The following FSTL4 variants were observed in gnomAD, a reference collection of about 807,000 sequenced individuals.
The protein encoded by FSTL4 is follistatin-related protein 4.
FSTL4 carries 28 observed loss-of-function variants against 78.2 expected under a neutral mutation model. The observed-to-expected ratio is 0.36, with a 90% CI of 0.27 to 0.49. FSTL4 has a LOEUF of 0.49. Among genes scored for constraint, FSTL4 ranks in the 20% least tolerant of loss-of-function variants. The pLI is 0.98. For synonymous variants in FSTL4, 422 were observed against 440.5 expected (o/e 0.96, Z 0.53); for missense variants, 922 against 1,084.9 (o/e 0.85, Z 2.11).
chr5:133,299,801 G>C (rs1581602498), intron 6 of FSTL4, among the ~76,000 whole-genome samples: 3 of 152,188 alleles, frequency 2.0e-5, no homozygotes, highest in East Asian at 3.9e-4. Context: ...TCTGTGATTG[G>C]GGGGCTGGGG....
chr5:133,494,428 T>A (rs1055940561), intron 3 of FSTL4, among the ~76,000 whole-genome samples: 1 of 151,932 alleles, frequency 6.6e-6, no homozygotes, highest in East Asian at 1.9e-4. Flanking sequence ...AAGTCTAGCA[T>A]CACACAGGAG....
At chr5:133,456,922 C>G (rs1370128583) in intron 3 of FSTL4, among the ~76,000 whole-genome samples, 1 of 152,084 alleles carries the variant, frequency 6.6e-6, no homozygotes, top group African/African-American at 2.4e-5. Flanking sequence ...TCCATTTGTG[C>G]CCTGCTGACT....
At chr5:133,356,254 G>A (rs1294984652) in intron 4 of FSTL4, among the ~76,000 whole-genome samples, 1 of 152,212 alleles carries the variant, frequency 6.6e-6, no homozygotes, top group Non-Finnish European at 1.5e-5. Context: ...GGACACCACT[G>A]TCATCACCAA....
intron 3 of FSTL4, among the ~76,000 whole-genome samples, chr5:133,469,842 G>A (rs1472403919): frequency 1.3e-5 from 2 of 152,074 alleles, no homozygotes; most frequent in Admixed American, 6.6e-5. Context: ...GGCAGCCGCC[G>A]TACAGGGAGC....
intron 4 of FSTL4, among the ~76,000 whole-genome samples, chr5:133,319,377 G>A (rs1413837590): frequency 1.3e-5 from 2 of 152,220 alleles, no homozygotes; most frequent in African/African-American, 2.4e-5. Flanking sequence ...CTGTGTGCCC[G>A]ATGCTGGGCA....
intron 2 of FSTL4, 43 bp downstream of exon 2, chr5:133,603,815 G>A (rs1276001612): frequency 1.1e-5 from 18 of 1,594,794 alleles, no homozygotes; most frequent in Non-Finnish European, 1.5e-5. Context: ...ACATCGGAAA[G>A]CAATCAGTTT....
intron 7 of FSTL4, among the ~76,000 whole-genome samples, chr5:133,235,346 A>C (rs1367301333): frequency 2.6e-5 from 4 of 151,980 alleles, no homozygotes; most frequent in Non-Finnish European, 5.9e-5. Flanking sequence ...AACAAACAAA[A>C]AAATTAGCTG....
At chr5:133,689,433 C>T in the FSTL4 span, among the ~76,000 whole-genome samples, 35 of 152,304 alleles carry the variant, frequency 2.3e-4, no homozygotes, top group African/African-American at 7.5e-4. Context: ...ATTCAGTAAG[C>T]CTTTTAAATA....
At chr5:133,548,097 G>A (rs1441449383) in intron 3 of FSTL4, among the ~76,000 whole-genome samples, 1 of 152,104 alleles carries the variant, frequency 6.6e-6, no homozygotes, top group Non-Finnish European at 1.5e-5. Context: ...CCCAGACCTT[G>A]CTCTATGTAT....
intron 3 of FSTL4, among the ~76,000 whole-genome samples, chr5:133,441,722 C>T (rs1156804181): frequency 1.3e-5 from 2 of 152,190 alleles, no homozygotes; most frequent in South Asian, 2.1e-4. Flanking sequence ...AGCAATGTTG[C>T]CACCAGAGCC....
At chr5:133,442,014 T>C (rs1352851960) in intron 3 of FSTL4, among the ~76,000 whole-genome samples, 1 of 152,184 alleles carries the variant, frequency 6.6e-6, no homozygotes, top group East Asian at 1.9e-4. Flanking sequence ...ACAGCCCCTG[T>C]CACATGGCGA....
At chr5:133,569,690 T>C (rs1448962474) in intron 2 of FSTL4, among the ~76,000 whole-genome samples, 1 of 152,190 alleles carries the variant, frequency 6.6e-6, no homozygotes, top group Non-Finnish European at 1.5e-5. Flanking sequence ...TCATATGATT[T>C]TTCTCCTTAG....
chr5:133,538,881 C>CG (rs1015883041), intron 3 of FSTL4, among the ~76,000 whole-genome samples: 4 of 152,076 alleles, frequency 2.6e-5, no homozygotes, highest in Non-Finnish European at 4.4e-5. Flanking sequence ...GCTGGGAGAG[C>CG]GGGGGGCTAG....
intron 3 of FSTL4, among the ~76,000 whole-genome samples, chr5:133,420,079 G>C (rs1268201759): frequency 6.6e-6 from 1 of 152,130 alleles, no homozygotes; most frequent in Non-Finnish European, 1.5e-5. Flanking sequence ...GCAATAACAG[G>C]AACGAGCAAT....
Position 133,225,028 on chromosome 5 carries a change from G to T in FSTL4, c.1312+122C>A. The T allele has an allele frequency of 2.6e-6, 3 of 1,142,870 alleles. No homozygotes were observed. The highest frequency in any genetic ancestry group is 3.9e-6 in the Non-Finnish European group (3 of 778,298). The allele number at this position is 1,142,870 out of a possible 1,614,324, so 70.8% of individuals were successfully genotyped here. The stretch of plus-strand genomic sequence containing the variant: ...AGCTTTATGCAAAGAGGGATATGAG[G>T]CTTACCCCTGTCTTCACGGGCTCAT... On this transcript the variant is annotated intron_variant, in intron 10 of 15. Coordinates refer to ENST00000265342, the MANE Select transcript of FSTL4 (RefSeq NM_015082.2). This position sits in a 1 kb window ranked among gnomAD's most constrained non-coding sequence, Gnocchi z 4.6.
chr5:133,405,644 G>T (rs764324765), intron 3 of FSTL4, among the ~76,000 whole-genome samples: 1 of 152,170 alleles, frequency 6.6e-6, no homozygotes, highest in Non-Finnish European at 1.5e-5. Context: ...TGGACATAAC[G>T]GTCCCAGTAT....
intron 3 of FSTL4, among the ~76,000 whole-genome samples, chr5:133,467,428 C>T (rs1294983505): frequency 6.6e-6 from 1 of 152,066 alleles, no homozygotes. Context: ...TTGTCTGATA[C>T]GTTGTCTCCT....
chr5:133,369,080 G>C (rs1205244270), intron 4 of FSTL4, among the ~76,000 whole-genome samples: 1 of 152,144 alleles, frequency 6.6e-6, no homozygotes, highest in African/African-American at 2.4e-5. Context: ...GGACTTCCAA[G>C]GCTGGCTTGG....
At chr5:133,832,111 C>T in the FSTL4 span, among the ~76,000 whole-genome samples, 1 of 152,192 alleles carries the variant, frequency 6.6e-6, no homozygotes, top group African/African-American at 2.4e-5. Flanking sequence ...TGGGGCTTGT[C>T]TGAAGCTGGT....
Sources: gnomAD v4.1 joint callset for allele counts (sites outside exome capture counted in the v4.1 genomes callset) on GRCh38, gnomAD v4.1.1 for gene constraint, Gnocchi (gnomAD v3.1) non-coding constraint, MANE v1.5 for transcripts, NCBI Gene and HGNC (gene_info 2026-07-23, HGNC 2026-07-21) for gene names.